WWOX: variants seen among roughly 807,000 people sequenced by gnomAD.
WWOX encodes WW domain containing oxidoreductase, also known as WW domain-containing oxidoreductase.
WWOX carries 69 observed loss-of-function variants against 46.2 expected under a neutral mutation model. The observed-to-expected ratio is 1.49, with a 90% CI of 1.23 to 1.82. The LOEUF is 1.82. Among genes scored for constraint, WWOX ranks in the 40% most tolerant of loss-of-function variants. WWOX has a pLI of 0.00. For missense variants in WWOX, 919 were observed against 542.6 expected, an observed-to-expected ratio of 1.69 and a Z score of -6.89; for synonymous variants, 359 against 202.6, an observed-to-expected ratio of 1.77 and a Z score of -6.56.
chr16:78,228,605 G>A (rs1404143734), intron 5 of WWOX, among the ~76,000 whole-genome samples: 1 of 152,202 alleles, frequency 6.6e-6, no homozygotes, highest in African/African-American at 2.4e-5. Flanking sequence ...GCCTCCCAAA[G>A]TGCTGGGATT....
intron 6 of WWOX, among the ~76,000 whole-genome samples, chr16:78,389,599 C>T (rs1053411928): frequency 6.6e-6 from 1 of 152,122 alleles, no homozygotes; most frequent in African/African-American, 2.4e-5. Context: ...GGAGTAGATG[C>T]TATTAATATC....
intron 8 of WWOX, among the ~76,000 whole-genome samples, chr16:78,841,393 G>T (rs535136304): frequency 2.5e-3 from 382 of 152,324 alleles, no homozygotes; most frequent in Non-Finnish European, 4.4e-3. Flanking sequence ...CATGAGAGCA[G>T]ATTTTGCCTG....
chr16:78,216,343 A>G (rs986599514), intron 5 of WWOX, among the ~76,000 whole-genome samples: 3 of 152,232 alleles, frequency 2.0e-5, no homozygotes, highest in Non-Finnish European at 2.9e-5. Flanking sequence ...GATGCGTTAC[A>G]GCCATTGTTT....
At chr16:79,021,354 A>G (rs944831057) in intron 8 of WWOX, among the ~76,000 whole-genome samples, 1 of 152,162 alleles carries the variant, frequency 6.6e-6, no homozygotes, top group East Asian at 1.9e-4. Flanking sequence ...TTTGGGAATC[A>G]TCACCTGTTT....
chr16:78,709,820 C>G (rs935334269), intron 8 of WWOX, among the ~76,000 whole-genome samples: 10 of 151,102 alleles, frequency 6.6e-5, no homozygotes, highest in South Asian at 4.2e-4. Flanking sequence ...CCTCCGTCTT[C>G]TGGGTTCAAG....
intron 8 of WWOX, among the ~76,000 whole-genome samples, chr16:79,018,890 C>T (rs2047471167): frequency 6.6e-6 from 1 of 151,906 alleles, no homozygotes. Context: ...GTGGCTCACC[C>T]ATGTAATCCC....
intron 5 of WWOX, among the ~76,000 whole-genome samples, chr16:78,358,446 T>C (rs946057394): frequency 4.6e-5 from 7 of 152,100 alleles, no homozygotes; most frequent in Non-Finnish European, 1.0e-4. Context: ...TCACTTGAGG[T>C]CAGGAGTTTG....
chr16:78,852,368 T>G (rs2052465810), intron 8 of WWOX, among the ~76,000 whole-genome samples: 1 of 152,222 alleles, frequency 6.6e-6, no homozygotes, highest in African/African-American at 2.4e-5. Context: ...TTGCTTCTCT[T>G]GGATCACTCC....
chr16:78,610,069 G>A (rs1269978391), intron 8 of WWOX, among the ~76,000 whole-genome samples: 1 of 151,200 alleles, frequency 6.6e-6, no homozygotes, highest in Non-Finnish European at 1.5e-5. Flanking sequence ...TGGAAAGACT[G>A]CTGCTTCAGC....
chr16:78,108,378 G>T, intron 1 of WWOX, 45 bp from the exon 2 acceptor site: 1 of 1,581,516 alleles, frequency 6.3e-7, no homozygotes, highest in Non-Finnish European at 8.7e-7. Context: ...CTTTTTAGAA[G>T]AGTTAATTTT....
At chr16:79,188,044 G>A (rs2051054943) in intron 8 of WWOX, among the ~76,000 whole-genome samples, 1 of 152,194 alleles carries the variant, frequency 6.6e-6, no homozygotes, top group Admixed American at 6.5e-5. Context: ...CCCACTTCCT[G>A]GGTAGTTATG....
chr16:78,872,578 A>C (rs1013619360), intron 8 of WWOX, among the ~76,000 whole-genome samples: 3 of 152,080 alleles, frequency 2.0e-5, no homozygotes, highest in African/African-American at 7.3e-5. Context: ...ATAATTAACT[A>C]AAATACCTTA....
intron 4 of WWOX, among the ~76,000 whole-genome samples, chr16:78,160,130 T>C (rs2034743164): frequency 6.6e-6 from 1 of 152,190 alleles, no homozygotes; most frequent in African/African-American, 2.4e-5. Context: ...TGGGTTATTT[T>C]CCTAATGTAA....
At chr16:78,843,027 T>C (rs1002982433) in intron 8 of WWOX, among the ~76,000 whole-genome samples, 1 of 150,094 alleles carries the variant, frequency 6.7e-6, no homozygotes, top group Non-Finnish European at 1.5e-5. Flanking sequence ...CTGGCTATTT[T>C]ACTTTAAGTG....
chr16:78,439,642 T>C (rs979941518), intron 8 of WWOX, among the ~76,000 whole-genome samples: 1 of 152,210 alleles, frequency 6.6e-6, no homozygotes, highest in African/African-American at 2.4e-5. Context: ...TTGAAATCAT[T>C]TGACATTTCT....
chr16:78,495,952 TGA>T (rs2084908785), intron 8 of WWOX: 1 of 152,248 alleles, frequency 6.6e-6, no homozygotes, highest in South Asian at 2.1e-4. Flanking sequence ...AGAGATTCCT[TGA>T]GAGAGGAACA....
chr16:78,805,508 T>C (rs6564593), intron 8 of WWOX, among the ~76,000 whole-genome samples: 119,425 of 151,740 alleles, frequency 0.79, 47,424 homozygotes, highest in Middle Eastern at 0.87. Flanking sequence ...TGGTCTCGAT[T>C]TCCTGACATC....
chr16:79,097,680 T>C (rs994571695), intron 8 of WWOX, among the ~76,000 whole-genome samples: 3 of 152,154 alleles, frequency 2.0e-5, no homozygotes, highest in Non-Finnish European at 2.9e-5. Context: ...CGCTGTGCAA[T>C]TTAATTCTGT....
intron 8 of WWOX, among the ~76,000 whole-genome samples, chr16:79,157,163 G>C (rs550763729): frequency 6.6e-6 from 1 of 152,332 alleles, no homozygotes; most frequent in South Asian, 2.1e-4. Flanking sequence ...AAGAGAAAAA[G>C]TGAGCAAGAA....
Sources: gnomAD v4.1 joint callset for allele counts (sites outside exome capture counted in the v4.1 genomes callset) on GRCh38, gnomAD v4.1.1 for gene constraint, MANE v1.5 for transcripts, NCBI Gene and HGNC (gene_info 2026-07-23, HGNC 2026-07-21) for gene names.